The following SPMIP7 variants were observed in gnomAD, a reference collection of about 807,000 sequenced individuals.
SPMIP7 encodes protein SPMIP7.
At chr7:50,145,787 T>C in the SPMIP7 span, among the ~76,000 whole-genome samples, 3 of 150,850 alleles carry the variant, frequency 2.0e-5, no homozygotes, top group Non-Finnish European at 4.4e-5. Context: ...GCACAGCCCA[T>C]GCCTTCTGAA....
chr7:50,103,755 T>A, the SPMIP7 span, among the ~76,000 whole-genome samples: 1 of 152,200 alleles, frequency 6.6e-6, no homozygotes. Flanking sequence ...GTATCCTTCC[T>A]ATGCACCCCC....
At chr7:50,155,300 A>G in the SPMIP7 span, among the ~76,000 whole-genome samples, 1 of 152,362 alleles carries the variant, frequency 6.6e-6, no homozygotes, top group Admixed American at 6.5e-5. Flanking sequence ...AATGTTATAA[A>G]TCCATTTCCA....
At chr7:50,145,655 T>C in the SPMIP7 span, among the ~76,000 whole-genome samples, 1 of 116,266 alleles carries the variant, frequency 8.6e-6, no homozygotes, top group Non-Finnish European at 1.8e-5. Flanking sequence ...TATATATATA[T>C]ATATACATCT....
At chr7:50,148,055 G>C in the SPMIP7 span, among the ~76,000 whole-genome samples, 432 of 152,272 alleles carry the variant, frequency 2.8e-3, 2 homozygotes, top group African/African-American at 9.5e-3. Context: ...CCTATCAGCA[G>C]CAGTCTAAAG....
At chr7:50,144,181 T>C in the SPMIP7 span, among the ~76,000 whole-genome samples, 4 of 152,236 alleles carry the variant, frequency 2.6e-5, no homozygotes, top group African/African-American at 9.6e-5. Flanking sequence ...TGCTCACCTT[T>C]AATAGTAACA....
chr7:50,158,930 G>T, the SPMIP7 span: 1 of 1,006,774 alleles, frequency 9.9e-7, no homozygotes, highest in Non-Finnish European at 1.5e-6. Context: ...CTCCCTGCCT[G>T]CAGTGCGCGC....
the SPMIP7 span, among the ~76,000 whole-genome samples, chr7:50,135,232 G>A: frequency 0.013 from 1,929 of 152,272 alleles, 38 homozygotes; most frequent in African/African-American, 0.044. Flanking sequence ...CTGTGCTTGC[G>A]AAGTACCTTC....
the SPMIP7 span, among the ~76,000 whole-genome samples, chr7:50,153,153 A>G: frequency 6.6e-6 from 1 of 152,232 alleles, no homozygotes; most frequent in African/African-American, 2.4e-5. Flanking sequence ...TAATAATCTT[A>G]GCTAGTGAAA....
chr7:50,130,238 A>T, the SPMIP7 span, among the ~76,000 whole-genome samples: 2 of 152,162 alleles, frequency 1.3e-5, no homozygotes, highest in Non-Finnish European at 2.9e-5. Flanking sequence ...TAATAAAGAC[A>T]TACCAGAGAC....
chr7:50,096,968 GTCTC>G, the SPMIP7 span, among the ~76,000 whole-genome samples: 1 of 152,160 alleles, frequency 6.6e-6, no homozygotes, highest in Non-Finnish European at 1.5e-5. Flanking sequence ...CTCCTTATCT[GTCTC>G]TCTCCTTTGA....
chr7:50,136,058 G>A, the SPMIP7 span: 553,082 of 1,416,868 alleles, frequency 0.39, 112,307 homozygotes, highest in Non-Finnish European at 0.43. Flanking sequence ...AAATTATAAC[G>A]TGCTCATTAA....
At chr7:50,122,731 A>G in the SPMIP7 span, among the ~76,000 whole-genome samples, 275 of 152,094 alleles carry the variant, frequency 1.8e-3, no homozygotes, top group African/African-American at 6.3e-3. Flanking sequence ...AAAAAAACAA[A>G]CAGCCCCATC....
At chr7:50,125,094 G>GTATATATATATATATATATATATATATA in the SPMIP7 span, among the ~76,000 whole-genome samples, 17 of 73,814 alleles carry the variant, frequency 2.3e-4, no homozygotes, top group Non-Finnish European at 3.5e-4. Context: ...GTGAGATTAA[G>GTATATATATATATATATATATATATATA]TATATATATA....
chr7:50,127,716 T>G, the SPMIP7 span, among the ~76,000 whole-genome samples: 1 of 150,872 alleles, frequency 6.6e-6, no homozygotes, highest in African/African-American at 2.4e-5. Flanking sequence ...TATGAAAAAA[T>G]GCTCAATATC....
chr7:50,096,517 A>C, the SPMIP7 span: 1 of 1,551,706 alleles, frequency 6.4e-7, no homozygotes, highest in African/African-American at 1.4e-5. Context: ...GAGTTCCCAG[A>C]CCAGACACAG....
At chr7:50,140,836 C>T in the SPMIP7 span, among the ~76,000 whole-genome samples, 1 of 152,324 alleles carries the variant, frequency 6.6e-6, no homozygotes, top group Admixed American at 6.5e-5. Flanking sequence ...AACTCAGCCT[C>T]TCAACTTTCT....
chr7:50,101,592 ACT>A, the SPMIP7 span, among the ~76,000 whole-genome samples: 4 of 152,178 alleles, frequency 2.6e-5, no homozygotes, highest in South Asian at 2.1e-4. Flanking sequence ...AAATTTGATG[ACT>A]CTGCGGTGTA....
chr7:50,139,102 G>A, the SPMIP7 span, among the ~76,000 whole-genome samples: 1 of 152,052 alleles, frequency 6.6e-6, no homozygotes, highest in African/African-American at 2.4e-5. Flanking sequence ...TGTAATCCCA[G>A]CATTTTGGGA....
the SPMIP7 span, among the ~76,000 whole-genome samples, chr7:50,149,121 G>T: frequency 6.8e-6 from 1 of 146,350 alleles, no homozygotes; most frequent in Non-Finnish European, 1.5e-5. Context: ...CTCCAGCCTG[G>T]GCAATACAGC....
Sources: allele counts gnomAD v4.1 joint callset (sites outside exome capture counted in the v4.1 genomes callset), GRCh38; gene constraint gnomAD v4.1.1; transcripts MANE v1.5; gene names NCBI Gene and HGNC (gene_info 2026-07-23, HGNC 2026-07-21).